Variants in ADAMTSL3 observed in about 807,000 individuals in gnomAD.
ADAMTSL3 encodes ADAMTS-like protein 3.
Under a neutral mutation model 201.7 loss-of-function variants are expected in ADAMTSL3, and 128 were observed. The ratio of observed to expected loss-of-function variants is 0.63; its 90% CI spans 0.55 to 0.73. The LOEUF (loss-of-function observed/expected upper bound fraction) is 0.73. Among genes scored for constraint, ADAMTSL3 ranks in the 30% least tolerant of loss-of-function variants. The pLI, the probability that ADAMTSL3 is intolerant of heterozygous loss-of-function variation, is 0.00. For synonymous variants in ADAMTSL3, 738 were observed against 748.4 expected, an observed-to-expected ratio of 0.99 and a Z score of 0.23; for missense variants, 1,990 against 2,119.6, an observed-to-expected ratio of 0.94 and a Z score of 1.20.
At chr15:83,892,310 T>C (rs937809765) in intron 12 of ADAMTSL3, among the ~76,000 whole-genome samples, 1 of 151,534 alleles carries the variant, frequency 6.6e-6, no homozygotes, top group Non-Finnish European at 1.5e-5. Flanking sequence ...GGCAGGCGGA[T>C]CACGAGGTCA....
chr15:83,907,112 A>G (rs1302200168), intron 15 of ADAMTSL3, among the ~76,000 whole-genome samples: 1 of 130,486 alleles, frequency 7.7e-6, no homozygotes, highest in Non-Finnish European at 1.6e-5. Context: ...AAAAAAAAAA[A>G]AAAAGAGAGA....
intron 2 of ADAMTSL3, among the ~76,000 whole-genome samples, chr15:83,678,970 A>G (rs1017483620): frequency 1.2e-4 from 18 of 149,724 alleles, no homozygotes; most frequent in Admixed American, 1.3e-4. Context: ...TGAAAGTATC[A>G]TATCCTTTGT....
intron 3 of ADAMTSL3, among the ~76,000 whole-genome samples, chr15:83,755,438 C>T (rs868845622): frequency 6.6e-6 from 1 of 151,918 alleles, no homozygotes; most frequent in Admixed American, 6.6e-5. Context: ...TCCCCCAGTC[C>T]CTGACAACCA....
intron 3 of ADAMTSL3, among the ~76,000 whole-genome samples, chr15:83,730,023 A>T (rs1451938348): frequency 6.6e-6 from 1 of 152,054 alleles, no homozygotes; most frequent in Non-Finnish European, 1.5e-5. Flanking sequence ...GCAGACTTGT[A>T]GAAGTACTAC....
intron 19 of ADAMTSL3, among the ~76,000 whole-genome samples, chr15:83,948,863 T>A (rs1320547456): frequency 6.6e-6 from 1 of 152,104 alleles, no homozygotes; most frequent in Non-Finnish European, 1.5e-5. Context: ...TTTTGAATTT[T>A]TTTATTTTTA....
chr15:84,024,127 G>T (rs1209660875), intron 26 of ADAMTSL3, among the ~76,000 whole-genome samples: 3 of 152,054 alleles, frequency 2.0e-5, no homozygotes, highest in Non-Finnish European at 4.4e-5. Context: ...ATGGTGGCAG[G>T]CACCTGTAGT....
chr15:83,909,218 C>T (rs1339550862), intron 15 of ADAMTSL3, among the ~76,000 whole-genome samples: 2 of 152,144 alleles, frequency 1.3e-5, no homozygotes, highest in Non-Finnish European at 2.9e-5. Flanking sequence ...CTTCCCATCT[C>T]GAGGTCACAC....
chr15:83,742,708 A>G (rs2062476475), intron 3 of ADAMTSL3, among the ~76,000 whole-genome samples: 1 of 152,198 alleles, frequency 6.6e-6, no homozygotes, highest in African/African-American at 2.4e-5. Context: ...TCTTGTCTGG[A>G]AGCTAGTAAG....
At chr15:83,806,220 C>G (rs1232934492) in intron 5 of ADAMTSL3, among the ~76,000 whole-genome samples, 1 of 148,778 alleles carries the variant, frequency 6.7e-6, no homozygotes, top group Non-Finnish European at 1.5e-5. Context: ...CATCCAAGTC[C>G]ACATGGCACC....
chr15:83,990,428 C>G (rs569571965), intron 22 of ADAMTSL3, among the ~76,000 whole-genome samples: 1 of 152,208 alleles, frequency 6.6e-6, no homozygotes, highest in Non-Finnish European at 1.5e-5. Context: ...TTGTGCTTAT[C>G]GAAAGAGGAG....
intron 5 of ADAMTSL3, among the ~76,000 whole-genome samples, chr15:83,817,093 A>G (rs1033592999): frequency 6.6e-6 from 1 of 152,254 alleles, no homozygotes. Context: ...TGTGGATGCA[A>G]TATAGGATTT....
chr15:83,693,178 A>G (rs2061636150), intron 2 of ADAMTSL3, among the ~76,000 whole-genome samples: 1 of 152,208 alleles, frequency 6.6e-6, no homozygotes, highest in Non-Finnish European at 1.5e-5. Context: ...GTTGGCAACA[A>G]GAACGTCATG....
At chr15:83,892,603 GGCCATACTTTTT>G (rs2065529995) in intron 12 of ADAMTSL3, 69 bp from the exon 13 acceptor site, 1 of 1,373,108 alleles carries the variant, frequency 7.3e-7, no homozygotes, top group South Asian at 1.3e-5. Flanking sequence ...GATACCTTAA[GGCCATACTTTTT>G]GCCACCATCT....
At chr15:83,670,329 A>G (rs2061315262) in intron 2 of ADAMTSL3, among the ~76,000 whole-genome samples, 1 of 150,352 alleles carries the variant, frequency 6.7e-6, no homozygotes, top group Non-Finnish European at 1.5e-5. Flanking sequence ...AGAAGCTTTG[A>G]TTCTTTATTT....
intron 6 of ADAMTSL3, among the ~76,000 whole-genome samples, chr15:83,821,449 C>T (rs866451284): frequency 8.7e-5 from 13 of 150,216 alleles, no homozygotes; most frequent in South Asian, 6.4e-4. Context: ...TGACTCTTAA[C>T]GAGCATGCTG....
chr15:83,687,072 G>A (rs1275239766), intron 2 of ADAMTSL3, among the ~76,000 whole-genome samples: 1 of 151,942 alleles, frequency 6.6e-6, no homozygotes, highest in East Asian at 1.9e-4. Context: ...CTGGCATAGT[G>A]GAGGTCCTGT....
At chr15:83,769,427 A>G (rs987170554) in intron 3 of ADAMTSL3, among the ~76,000 whole-genome samples, 2 of 152,210 alleles carry the variant, frequency 1.3e-5, no homozygotes, top group African/African-American at 4.8e-5. Context: ...ATTTTTTATT[A>G]TGTTATAGAC....
chr15:83,809,297 A>G (rs939580238), intron 5 of ADAMTSL3, among the ~76,000 whole-genome samples: 1 of 152,198 alleles, frequency 6.6e-6, no homozygotes, highest in African/African-American at 2.4e-5. Flanking sequence ...AGAAAACTGA[A>G]AAATGGGCTT....
chr15:83,688,010 AG>A (rs1411187913), intron 2 of ADAMTSL3, among the ~76,000 whole-genome samples: 1 of 152,246 alleles, frequency 6.6e-6, no homozygotes, highest in East Asian at 1.9e-4. Context: ...GTAAAGCATG[AG>A]GGAAAAGCTA....
Sources: gnomAD v4.1 joint callset for allele counts (sites outside exome capture counted in the v4.1 genomes callset) on GRCh38, gnomAD v4.1.1 for gene constraint, MANE v1.5 for transcripts, NCBI Gene and HGNC (gene_info 2026-07-23, HGNC 2026-07-21) for gene names.